Variants in ARID3B observed in about 807,000 individuals in gnomAD.
ARID3B encodes the protein AT-rich interaction domain 3B, also known as AT-rich interactive domain-containing protein 3B.
In ARID3B, 10 loss-of-function variants were observed where a neutral mutation model predicts 51.9. The ratio of observed to expected loss-of-function variants is 0.19; its 90% CI spans 0.12 to 0.33. The LOEUF (loss-of-function observed/expected upper bound fraction) is 0.33. Ranked by LOEUF, ARID3B falls within the 10% of genes least tolerant of loss-of-function variation. ARID3B has a pLI of 1.00. For synonymous variants in ARID3B, 205 were observed against 279.5 expected (o/e 0.73, Z 2.66); for missense variants, 483 against 716.3 (o/e 0.67, Z 3.72).
At chr15:74,570,063 T>C (rs1451455238) in intron 2 of ARID3B, among the ~76,000 whole-genome samples, 1 of 152,160 alleles carries the variant, frequency 6.6e-6, no homozygotes, top group African/African-American at 2.4e-5. Flanking sequence ...ATTTCTTTCC[T>C]GCTCTGGCAA....
At chr15:74,553,779 CT>C (rs201255285) in intron 2 of ARID3B, among the ~76,000 whole-genome samples, 2 of 150,908 alleles carry the variant, frequency 1.3e-5, no homozygotes, top group African/African-American at 2.4e-5. Context: ...TTTCTGCCCT[CT>C]TTTTTTTGTT....
chr15:74,577,597 C>T (rs1050079848), intron 4 of ARID3B, among the ~76,000 whole-genome samples: 1 of 151,980 alleles, frequency 6.6e-6, no homozygotes. Context: ...CATGGCTCAT[C>T]GCACCCTTGA....
intron 7 of ARID3B, among the ~76,000 whole-genome samples, chr15:74,592,210 C>T (rs1355017573): frequency 6.6e-6 from 1 of 152,182 alleles, no homozygotes; most frequent in Non-Finnish European, 1.5e-5. Context: ...TGAGGCTCAG[C>T]GAGGGGCCAA....
chr15:74,597,679 T>G lies in ARID3B; in HGVS notation c.*1905T>G, dbSNP rs1018900647. Reference sequence around the variant, plus strand: ...TCTCAGACATTTGGCCAGTATGTCTTTCTCAGGGGTTTGGTCACAAAGGAT... The same window carrying G: ...TCTCAGACATTTGGCCAGTATGTCTGTCTCAGGGGTTTGGTCACAAAGGAT... On this transcript the variant is annotated 3_prime_UTR_variant, in exon 9 of 9. Transcript: ENST00000346246. 18 of 519,280 alleles carry G rather than the reference T, an allele frequency of 3.5e-5. No individual in the cohort carries two copies. Among genetic ancestry groups the G allele is most frequent in the African/African-American group, 1.7e-4 (9 of 53,174 alleles). 32.2% of individuals were successfully genotyped at this position (519,280 alleles called of 1,614,324 possible). A position where few individuals can be genotyped will look rare whatever the true frequency, so the allele number is the denominator to read the frequency against.
chr15:74,546,123 A>ATC (rs1378154732), intron 2 of ARID3B, among the ~76,000 whole-genome samples: 4 of 152,176 alleles, frequency 2.6e-5, no homozygotes, highest in African/African-American at 9.7e-5. Context: ...ACCCAGGGAG[A>ATC]TAGTGGCAGA....
At chr15:74,566,472 G>A (rs1006531492) in intron 2 of ARID3B, among the ~76,000 whole-genome samples, 7 of 151,830 alleles carry the variant, frequency 4.6e-5, no homozygotes, top group East Asian at 1.9e-4. Flanking sequence ...GCATGGTGGC[G>A]CGTGCCTGTA....
At position 74,551,199 on chromosome 15, in the gene ARID3B, C is replaced by T. The variant is rs550791037; in HGVS notation, c.552+6711C>T. 6.6e-5 allele frequency among the ~76,000 whole-genome samples: 10 copies of T among 152,324 alleles called. No individual in the cohort carries two copies. The East Asian group carries it at 1.7e-3, about 26-fold the overall frequency. On this transcript the variant is annotated intron_variant, in intron 2 of 8. Coordinates refer to ENST00000346246, the MANE Select transcript of ARID3B (RefSeq NM_006465.4). The stretch of plus-strand genomic sequence containing the variant: ...GAAGGGTCAATCATAATTTTTCAGT[C>T]TTTATGACCTTTGTAGATAAGATGC...
intron 2 of ARID3B, among the ~76,000 whole-genome samples, chr15:74,546,519 T>TTCA (rs998988603): frequency 2.6e-4 from 39 of 152,266 alleles, no homozygotes; most frequent in African/African-American, 6.0e-4. Context: ...AAAAAGACTC[T>TTCA]TCAGAACTGG....
chr15:74,570,595 G>A (rs1473136716), intron 2 of ARID3B, among the ~76,000 whole-genome samples: 2 of 150,192 alleles, frequency 1.3e-5, no homozygotes, highest in Admixed American at 6.6e-5. Context: ...TTGAGCTGCC[G>A]CAGTAAACAG....
At chr15:74,555,601 G>A (rs1283098446) in intron 2 of ARID3B, among the ~76,000 whole-genome samples, 1 of 151,612 alleles carries the variant, frequency 6.6e-6, no homozygotes, top group Non-Finnish European at 1.5e-5. Context: ...CAAAGTGCTG[G>A]GATTACAGGC....
intron 4 of ARID3B, among the ~76,000 whole-genome samples, chr15:74,576,018 T>C (rs2061736160): frequency 6.6e-6 from 1 of 152,212 alleles, no homozygotes; most frequent in African/African-American, 2.4e-5. Flanking sequence ...TGTTTCAGCC[T>C]CCTGAGTAGC....
intron 4 of ARID3B, among the ~76,000 whole-genome samples, chr15:74,585,825 A>G (rs966213669): frequency 6.6e-6 from 1 of 152,244 alleles, no homozygotes. Flanking sequence ...AACTGCTGAG[A>G]CCAACCTGCA....
In ARID3B at chr15:74,591,027, G is replaced by C. The variant is rs1175629809; in HGVS notation, c.882-124G>C. ...CAGACTTTTCTGCCAAGTATACCAA[G>C]GTTGCAATCCTTTGCCCTAGAGTCC... is the stretch of plus-strand genomic sequence containing the variant. On this transcript the variant is annotated intron_variant, in intron 5 of 8. Coordinates refer to ENST00000346246, the MANE Select transcript of ARID3B (RefSeq NM_006465.4). The surrounding 1 kb of genome is among the most constrained non-coding windows in gnomAD (Gnocchi z 5.8). 4 of 1,434,350 alleles carry C rather than the reference G, an allele frequency of 2.8e-6. No homozygotes were observed. Among genetic ancestry groups the C allele is most frequent in the Non-Finnish European group, 3.7e-6 (4 of 1,068,640 alleles). The allele number at this position is 1,434,350 out of a possible 1,614,324, so 88.9% of individuals were successfully genotyped here.
At chr15:74,541,900 A>C in intron 1 of ARID3B, among the ~76,000 whole-genome samples, 1 of 152,156 alleles carries the variant, frequency 6.6e-6, no homozygotes, top group African/African-American at 2.4e-5. Context: ...GATTTGAGAC[A>C]TAAGTTCTCC....
At chr15:74,584,820 A>G (rs1443948995) in intron 4 of ARID3B, among the ~76,000 whole-genome samples, 2 of 152,208 alleles carry the variant, frequency 1.3e-5, no homozygotes, top group Non-Finnish European at 2.9e-5. Flanking sequence ...GCCAGCGCCC[A>G]GCGGCATTCC....
chr15:74,558,178 C>CTTTTTTTTTTTTTTTTTTTTTTGTTTTT (rs1208034661), intron 2 of ARID3B, among the ~76,000 whole-genome samples: 2 of 104,668 alleles, frequency 1.9e-5, no homozygotes, highest in African/African-American at 7.9e-5. Flanking sequence ...TGGTTTGTGT[C>CTTTTTTTTTTTTTTTTTTTTTTGTTTTT]TTTTTTTTTT....
chr15:74,588,154 A>G (rs570317142), intron 4 of ARID3B, among the ~76,000 whole-genome samples: 9 of 151,650 alleles, frequency 5.9e-5, no homozygotes, highest in African/African-American at 1.9e-4. Context: ...GAGTGGGAGG[A>G]TGGCTGGAGG....
intron 2 of ARID3B, among the ~76,000 whole-genome samples, chr15:74,566,494 T>C (rs561954562): frequency 6.6e-6 from 1 of 151,574 alleles, no homozygotes; most frequent in Non-Finnish European, 1.5e-5. Flanking sequence ...TCCCAGCTGC[T>C]CAGGAGGCTG....
chr15:74,558,178 CTTTTTTT>C (rs1208034661), intron 2 of ARID3B, among the ~76,000 whole-genome samples: 3 of 104,668 alleles, frequency 2.9e-5, no homozygotes, highest in Non-Finnish European at 5.6e-5. Flanking sequence ...TGGTTTGTGT[CTTTTTTT>C]TTTTTTTTTT....
Sources: gnomAD v4.1 joint callset for allele counts (sites outside exome capture counted in the v4.1 genomes callset) on GRCh38, gnomAD v4.1.1 for gene constraint, Gnocchi (gnomAD v3.1) non-coding constraint, MANE v1.5 for transcripts, NCBI Gene and HGNC (gene_info 2026-07-23, HGNC 2026-07-21) for gene names.